NBAS: variants seen among roughly 807,000 people sequenced by gnomAD.
NBAS encodes NAG/BC035112 fusion.
Under a neutral mutation model 302.5 loss-of-function variants are expected in NBAS, and 219 were observed. That is an observed-to-expected ratio of 0.72 (90% CI 0.65 to 0.81). NBAS has a LOEUF of 0.81. Among genes scored for constraint, NBAS ranks in the 30% least tolerant of loss-of-function variants. NBAS has a pLI of 0.00. For missense variants in NBAS, 2,932 were observed against 2,841.6 expected, an observed-to-expected ratio of 1.03 and a Z score of -0.72; for synonymous variants, 1,118 against 1,021.6, an observed-to-expected ratio of 1.09 and a Z score of -1.80.
chr2:15,235,369 G>A (rs906954863), intron 45 of NBAS, among the ~76,000 whole-genome samples: 7 of 152,114 alleles, frequency 4.6e-5, no homozygotes, highest in Non-Finnish European at 1.0e-4. Flanking sequence ...AGGCCACACT[G>A]CCTGCCTCTC....
chr2:15,459,441 A>G (rs1679400659), intron 21 of NBAS, among the ~76,000 whole-genome samples: 1 of 152,090 alleles, frequency 6.6e-6, no homozygotes, highest in Non-Finnish European at 1.5e-5. Flanking sequence ...CATTTACATT[A>G]TCCCTCACTA....
At chr2:14,887,218 A>C in the NBAS span, among the ~76,000 whole-genome samples, 1 of 152,162 alleles carries the variant, frequency 6.6e-6, no homozygotes, top group African/African-American at 2.4e-5. Context: ...AGCCTGGCCA[A>C]CATGGTGCAA....
At chr2:15,369,044 G>A (rs975712568) in intron 31 of NBAS, among the ~76,000 whole-genome samples, 11 of 151,976 alleles carry the variant, frequency 7.2e-5, no homozygotes, top group African/African-American at 1.5e-4. Context: ...CTCAATATCC[G>A]CTACTATTTT....
the NBAS span, among the ~76,000 whole-genome samples, chr2:15,051,468 G>T: frequency 6.6e-6 from 1 of 152,176 alleles, no homozygotes; most frequent in Non-Finnish European, 1.5e-5. Context: ...TTCCAGCTCT[G>T]CCATTCACCA....
At chr2:15,472,803 G>T (rs887314345) in intron 16 of NBAS, among the ~76,000 whole-genome samples, 6 of 152,134 alleles carry the variant, frequency 3.9e-5, no homozygotes, top group African/African-American at 1.4e-4. Flanking sequence ...TCAGCCCTAG[G>T]GTAGTCCTTA....
At chr2:14,877,054 C>T in the NBAS span, among the ~76,000 whole-genome samples, 3 of 152,338 alleles carry the variant, frequency 2.0e-5, no homozygotes, top group African/African-American at 7.2e-5. Flanking sequence ...GTTCTTAACT[C>T]TGAGCTCTCC....
chr2:15,397,085 C>T (rs1244149972), intron 26 of NBAS, among the ~76,000 whole-genome samples: 1 of 152,184 alleles, frequency 6.6e-6, no homozygotes, highest in East Asian at 1.9e-4. Context: ...AGCCAGTAAG[C>T]AGGGACTAGG....
chr2:15,232,337 G>A (rs765223744), intron 47 of NBAS, 85 bp downstream of exon 47: 6 of 1,292,240 alleles, frequency 4.6e-6, no homozygotes, highest in Non-Finnish European at 6.7e-6. Flanking sequence ...AGTCTTGGAA[G>A]CCTCATACAT....
the NBAS span, among the ~76,000 whole-genome samples, chr2:15,102,630 G>A: frequency 6.6e-6 from 1 of 152,236 alleles, no homozygotes; most frequent in East Asian, 1.9e-4. Flanking sequence ...TTAAGACAAA[G>A]AGAATCTGTG....
intron 45 of NBAS, among the ~76,000 whole-genome samples, chr2:15,235,594 G>T (rs2147936579): frequency 6.6e-6 from 1 of 152,232 alleles, no homozygotes; most frequent in African/African-American, 2.4e-5. Flanking sequence ...TGATATTAAA[G>T]AATGTTTATT....
the NBAS span, among the ~76,000 whole-genome samples, chr2:14,794,659 C>T: frequency 6.6e-5 from 10 of 151,982 alleles, no homozygotes; most frequent in African/African-American, 2.2e-4. Flanking sequence ...TAACTTTTAA[C>T]GTATGTATAC....
At chr2:15,327,716 C>T (rs765758361) in intron 38 of NBAS, 34 bp downstream of exon 38, 1 of 1,612,956 alleles carries the variant, frequency 6.2e-7, no homozygotes, top group South Asian at 1.1e-5. Context: ...CCTAGAGTTA[C>T]ACACTGTCAA....
At chr2:15,171,293 C>T (rs1664279204) in intron 51 of NBAS, among the ~76,000 whole-genome samples, 1 of 152,160 alleles carries the variant, frequency 6.6e-6, no homozygotes. Flanking sequence ...ATTTGTATGT[C>T]ATCCATGTTT....
intron 21 of NBAS, among the ~76,000 whole-genome samples, chr2:15,433,639 AC>A (rs1388705494): frequency 6.6e-6 from 1 of 152,222 alleles, no homozygotes; most frequent in Admixed American, 6.5e-5. Flanking sequence ...GAAAAAAGCA[AC>A]CATTTCCAAA....
At chr2:15,048,263 T>C in the NBAS span, among the ~76,000 whole-genome samples, 1 of 152,224 alleles carries the variant, frequency 6.6e-6, no homozygotes, top group East Asian at 1.9e-4. Context: ...CTGCGTGCAG[T>C]TCCACTTCCA....
intron 23 of NBAS, among the ~76,000 whole-genome samples, chr2:15,419,902 T>C (rs2148468829): frequency 1.3e-5 from 2 of 152,062 alleles, no homozygotes; most frequent in African/African-American, 4.8e-5. Flanking sequence ...TTAGTAGAGA[T>C]GGCGTTTCAC....
intron 5 of NBAS, among the ~76,000 whole-genome samples, chr2:15,552,206 A>G (rs927040185): frequency 6.6e-6 from 1 of 152,232 alleles, no homozygotes; most frequent in African/African-American, 2.4e-5. Flanking sequence ...AATTACAGAT[A>G]CATACAGATA....
At chr2:15,265,249 C>T (rs559921900) in intron 44 of NBAS, among the ~76,000 whole-genome samples, 1 of 152,078 alleles carries the variant, frequency 6.6e-6, no homozygotes, top group African/African-American at 2.4e-5. Context: ...CAATCTCATG[C>T]GATCAACATC....
the NBAS span, chr2:14,890,821 C>T: frequency 5.5e-5 from 9 of 162,686 alleles, no homozygotes; most frequent in Admixed American, 1.3e-4. Flanking sequence ...AAAACTCTGT[C>T]TCAAAACAAA....
Sources: gnomAD v4.1 joint callset for allele counts (sites outside exome capture counted in the v4.1 genomes callset) on GRCh38, gnomAD v4.1.1 for gene constraint, MANE v1.5 for transcripts, NCBI Gene and HGNC (gene_info 2026-07-23, HGNC 2026-07-21) for gene names.